ITPRID1: variants seen among roughly 807,000 people sequenced by gnomAD.
The protein encoded by ITPRID1 is ITPR interacting domain containing 1, also known as protein ITPRID1.
Under a neutral mutation model 95.4 loss-of-function variants are expected in ITPRID1, and 96 were observed. That is an observed-to-expected ratio of 1.01 (90% CI 0.85 to 1.19). ITPRID1 has a LOEUF of 1.19. Ranked by LOEUF, ITPRID1 falls within the 50% of genes most tolerant of loss-of-function variation. ITPRID1 has a pLI of 0.00. For missense variants in ITPRID1, 1,339 were observed against 1,252.9 expected (o/e 1.07, Z -1.04); for synonymous variants, 510 against 453.6 (o/e 1.12, Z -1.58).
At chr7:31,638,165 T>A (rs61589733) in intron 10 of ITPRID1, among the ~76,000 whole-genome samples, 4,923 of 152,300 alleles carry the variant, frequency 0.032, 297 homozygotes, top group African/African-American at 0.11. Context: ...ATGAATTTTG[T>A]ACCCACAGTT....
chr7:31,651,287 C>A lies in ITPRID1; in HGVS notation c.2711+18C>A. The A allele has an allele frequency of 6.2e-7, 1 of 1,609,842 alleles. No homozygotes were observed. The highest frequency in any genetic ancestry group is 8.5e-7 in the Non-Finnish European group (1 of 1,177,794). On this transcript the variant is annotated intron_variant, in intron 13 of 14. Transcript: ENST00000615280. ...GAGGAAAGGTAATTACCTAAGGGAG[C>A]CATAAAAGTAAGTACCAGCCCACAC... is the stretch of plus-strand genomic sequence containing the variant.
intron 10 of ITPRID1, among the ~76,000 whole-genome samples, chr7:31,629,017 C>CA (rs1309145787): frequency 1.3e-5 from 2 of 151,868 alleles, no homozygotes; most frequent in Non-Finnish European, 2.9e-5. Context: ...TTAAAGTCTC[C>CA]AAAAAAATTG....
In ITPRID1 at chr7:31,574,650, T is replaced by C. The variant is rs1327508224; in HGVS notation, c.506T>C (p.Leu169Pro). 1 of 1,613,840 alleles carries C rather than the reference T, an allele frequency of 6.2e-7. No homozygotes were observed. The highest frequency in any genetic ancestry group is 8.5e-7 in the Non-Finnish European group (1 of 1,179,850). The change falls in exon 8 of 15, where the codon CTT becomes CCT. Residue 169 changes from leucine to proline, a missense_variant. Leu to Pro is a moderately conservative substitution (Grantham distance 98). Transcript: ENST00000615280. ...TGCATGCAAATCCCAGCCAGATTCC[T>C]TGGTTGTGGCTCAGCAGCCAGAGGA... is the stretch of plus-strand genomic sequence containing the variant. ...DICMQIPARF[L>P]GCGSAARGIN... is the part of the protein sequence containing the mutation.
At chr7:31,658,684 C>A (rs946274142), downstream of ITPRID1, 3 of 175,688 alleles carry the variant, frequency 1.7e-5, no homozygotes, top group African/African-American at 7.1e-5. Flanking sequence ...CGGCACCTTT[C>A]TCTAGCCCAA....
At chr7:31,647,819 C>G (rs1489985176) in intron 12 of ITPRID1, among the ~76,000 whole-genome samples, 2 of 152,038 alleles carry the variant, frequency 1.3e-5, no homozygotes, top group Non-Finnish European at 2.9e-5. Flanking sequence ...ATCTTACCCC[C>G]CTAATATAGC....
At chr7:31,534,259 G>A (rs777437791) in intron 1 of ITPRID1, among the ~76,000 whole-genome samples, 28 of 152,150 alleles carry the variant, frequency 1.8e-4, no homozygotes, top group Admixed American at 5.9e-4. Flanking sequence ...GTGCATTTGG[G>A]AAGAATTTGT....
At chr7:31,587,560 C>A (rs1386847253) in intron 10 of ITPRID1, among the ~76,000 whole-genome samples, 1 of 147,392 alleles carries the variant, frequency 6.8e-6, no homozygotes, top group East Asian at 2.0e-4. Flanking sequence ...AATGGCCATA[C>A]TGCCCAAGGT....
chr7:31,638,180 T>G (rs147262442), intron 10 of ITPRID1, among the ~76,000 whole-genome samples: 89 of 152,330 alleles, frequency 5.8e-4, no homozygotes, highest in African/African-American at 2.0e-3. Flanking sequence ...ACAGTTGATA[T>G]AAGGAGGAAA....
chr7:31,643,261 C>A lies in ITPRID1; in HGVS notation c.1891C>A (p.His631Asn). The A allele has an allele frequency of 6.2e-7, 1 of 1,613,818 alleles. No individual in the cohort carries two copies. Among genetic ancestry groups the A allele is most frequent in the Non-Finnish European group, 8.5e-7 (1 of 1,179,890 alleles). ...CAGTGGATTCTGTCCTCACACCAACCACAGCTTACTCGTACCAGAAAGCTC... is the reference window on the plus strand; with the variant it reads ...CAGTGGATTCTGTCCTCACACCAACAACAGCTTACTCGTACCAGAAAGCTC... The part of the protein sequence containing the change: ...ESSGFCPHTN[H>N]SLLVPESSSQ... The change falls in exon 12 of 15, where the codon CAC becomes AAC. Residue 631 changes from histidine to asparagine, a missense_variant. Coordinates refer to ENST00000615280, the MANE Select transcript of ITPRID1 (RefSeq NM_001257967.3).
downstream of ITPRID1, chr7:31,658,125 G>A: frequency 2.0e-6 from 1 of 509,184 alleles, no homozygotes; most frequent in Non-Finnish European, 3.1e-6. Context: ...ACACAAAGAT[G>A]AAACCTTGAG....
intron 10 of ITPRID1, among the ~76,000 whole-genome samples, chr7:31,617,052 G>C (rs1256212294): frequency 6.6e-6 from 1 of 152,156 alleles, no homozygotes; most frequent in Admixed American, 6.5e-5. Context: ...CCACAGCATG[G>C]TGGTAAACAG....
chr7:31,530,830 G>GTTTTTC (rs3077625), intron 1 of ITPRID1, among the ~76,000 whole-genome samples: 88,501 of 151,784 alleles, frequency 0.58, 26,848 homozygotes, highest in Middle Eastern at 0.71. Flanking sequence ...TAACACATGA[G>GTTTTTC]TTAATCAGTT....
chr7:31,615,075 G>A (rs975730761), intron 10 of ITPRID1, among the ~76,000 whole-genome samples: 1 of 152,104 alleles, frequency 6.6e-6, no homozygotes, highest in Non-Finnish European at 1.5e-5. Context: ...GAATAAAGGC[G>A]ACTTCTAGAA....
chr7:31,621,773 A>C (rs1787925326), intron 10 of ITPRID1, among the ~76,000 whole-genome samples: 1 of 148,832 alleles, frequency 6.7e-6, no homozygotes, highest in Non-Finnish European at 1.5e-5. Context: ...CTTTAAATGT[A>C]AATGGACTAA....
At position 31,527,798 on chromosome 7, in the gene ITPRID1, G is replaced by T. The variant is rs1351569531; in HGVS notation, c.-98+13678G>T. On this transcript the variant is annotated intron_variant, in intron 1 of 14. Coordinates refer to ENST00000615280, the MANE Select transcript of ITPRID1 (RefSeq NM_001257967.3). Reference sequence around the variant, plus strand: ...CCTTAGCAATTATTTTGCTGTCTTAGAACTTATTTGTCTTCTTTCTTAGAG... The same window carrying T: ...CCTTAGCAATTATTTTGCTGTCTTATAACTTATTTGTCTTCTTTCTTAGAG... 2.0e-5 allele frequency among the ~76,000 whole-genome samples: 3 copies of T among 152,256 alleles called. No individual in the cohort carries two copies. In the East Asian group the frequency reaches 5.8e-4, roughly 29 times the overall value.
chr7:31,591,290 T>C (rs903275939), intron 10 of ITPRID1, among the ~76,000 whole-genome samples: 2 of 152,216 alleles, frequency 1.3e-5, no homozygotes, highest in African/African-American at 2.4e-5. Context: ...TTAAACCTGA[T>C]GGTATCTAAT....
intron 8 of ITPRID1, among the ~76,000 whole-genome samples, chr7:31,575,157 A>G (rs1253363199): frequency 6.6e-6 from 1 of 152,168 alleles, no homozygotes; most frequent in Admixed American, 6.5e-5. Flanking sequence ...AACCCTACCA[A>G]TTGCCCAGAA....
chr7:31,612,310 G>C (rs993538617), intron 10 of ITPRID1, among the ~76,000 whole-genome samples: 3 of 151,924 alleles, frequency 2.0e-5, no homozygotes, highest in African/African-American at 7.2e-5. Flanking sequence ...TTTTTGTCTA[G>C]TGAGAACAAC....
intron 2 of ITPRID1, among the ~76,000 whole-genome samples, chr7:31,549,889 A>G (rs1465362117): frequency 2.0e-5 from 3 of 152,190 alleles, no homozygotes; most frequent in Non-Finnish European, 4.4e-5. Flanking sequence ...AAAGATACAA[A>G]AAGTGAAATA....
Sources: allele counts gnomAD v4.1 joint callset (sites outside exome capture counted in the v4.1 genomes callset), GRCh38; gene constraint gnomAD v4.1.1; transcripts MANE v1.5; gene names NCBI Gene and HGNC (gene_info 2026-07-23, HGNC 2026-07-21).